The following GNPDA2 variants were observed in gnomAD, a reference collection of about 807,000 sequenced individuals.
The protein encoded by GNPDA2 is glcN6P deaminase 2.
A neutral mutation model predicts 27.0 loss-of-function variants in GNPDA2; 24 were observed. That is an observed-to-expected ratio of 0.89 (90% CI 0.64 to 1.25). GNPDA2 has a LOEUF of 1.25. Among genes scored for constraint, GNPDA2 ranks in the 50% most tolerant of loss-of-function variants. GNPDA2 has a pLI of 0.00. For synonymous variants in GNPDA2, 94 were observed against 108.4 expected (o/e 0.87, Z 0.83); for missense variants, 286 against 335.1 (o/e 0.85, Z 1.14).
At position 44,702,525 on chromosome 4, in the gene GNPDA2, C is replaced by CTG; in HGVS notation, c.*554_*555dup. ...AGGATGTAAACTGTACTTTTAGGCACTGTCATCTCTTCAAATTTCCTTTAC... is the reference window on the plus strand; with the variant it reads ...AGGATGTAAACTGTACTTTTAGGCACTGTGTCATCTCTTCAAATTTCCTTTAC... On this transcript the variant is annotated 3_prime_UTR_variant, in exon 7 of 7. Transcript: ENST00000295448. The CTG allele has an allele frequency of 1.0e-6, 1 of 986,212 alleles. No homozygotes were observed. The highest frequency in any genetic ancestry group is 1.2e-6 in the Non-Finnish European group (1 of 830,196). 61.1% of individuals were successfully genotyped at this position (986,212 alleles called of 1,614,324 possible).
At chr4:44,716,526 A>ACG (rs1387588875) in intron 4 of GNPDA2, among the ~76,000 whole-genome samples, 1 of 151,392 alleles carries the variant, frequency 6.6e-6, no homozygotes, top group Admixed American at 6.6e-5. Flanking sequence ...ATATACACAC[A>ACG]CATATATAAA....
chr4:44,702,773 T>C lies in GNPDA2; in HGVS notation c.*308A>G. Reference sequence around the variant, plus strand: ...GAGTCATATCACAAATGGTGCCTGATGTGGACACTCTACCTTTAAAATGAC... The same window carrying C: ...GAGTCATATCACAAATGGTGCCTGACGTGGACACTCTACCTTTAAAATGAC... On this transcript the variant is annotated 3_prime_UTR_variant, in exon 7 of 7. Transcript: ENST00000295448. 1.7e-6 allele frequency: 2 copies of C among 1,180,088 alleles called. No homozygotes were observed. Among genetic ancestry groups the C allele is most frequent in the Non-Finnish European group, 2.1e-6 (2 of 954,054 alleles). The allele number at this position is 1,180,088 out of a possible 1,614,324, so 73.1% of individuals were successfully genotyped here.
At chr4:44,724,551 T>C (rs988532721) in intron 1 of GNPDA2, among the ~76,000 whole-genome samples, 1 of 144,266 alleles carries the variant, frequency 6.9e-6, no homozygotes, top group African/African-American at 2.5e-5. Flanking sequence ...ATTCCCATAA[T>C]TCTTAGATTT....
Position 44,707,901 on chromosome 4 carries a change from T to G in GNPDA2, c.620A>C (p.His207Pro), listed in dbSNP as rs1252929452. The change falls in exon 6 of 7, where the codon CAC (histidine) becomes CCC (proline). Residue 207 changes from histidine (H) to proline (P), a missense_variant. By Grantham distance (77) the His-to-Pro change is moderately conservative. Coordinates refer to ENST00000295448, the MANE Select transcript of GNPDA2 (RefSeq NM_138335.3). ...REVMILITGAHKAFALYKAIE... is the reference protein window; with the variant it reads ...REVMILITGAPKAFALYKAIE... Reference sequence around the variant, plus strand: ...TGCTTTGTACAGGGCAAATGCCTTGTGTGCCCCTGTTATAAGGATCATTAC... The same window carrying G: ...TGCTTTGTACAGGGCAAATGCCTTGGGTGCCCCTGTTATAAGGATCATTAC... 7 of 1,604,898 alleles carry G rather than the reference T, an allele frequency of 4.4e-6. No homozygotes were observed. The highest frequency in any genetic ancestry group is 6.0e-6 in the Non-Finnish European group (7 of 1,174,778).
In GNPDA2 at chr4:44,708,627, T is replaced by G. The variant is rs77349855; in HGVS notation, c.595-701A>C. ...ATAATGCAATGACATGTTGCAAATG[T>G]GAATGTGTATGTGTCGGAATCTTTT... On this transcript the variant is annotated intron_variant, in intron 5 of 6. Coordinates refer to ENST00000295448, the MANE Select transcript of GNPDA2 (RefSeq NM_138335.3). Among the ~76,000 whole-genome samples the G allele has an allele frequency of 7.2e-5, 11 of 152,234 alleles. No individual in the cohort carries two copies. In the East Asian group the frequency reaches 2.1e-3, roughly 29 times the overall value.
intron 6 of GNPDA2, chr4:44,704,173 A>G: frequency 1.0e-6 from 1 of 985,030 alleles, no homozygotes; most frequent in Non-Finnish European, 1.2e-6. Flanking sequence ...AACCATAAGA[A>G]TGGGACTCTA....
chr4:44,716,130 G>C (rs1240639830), intron 4 of GNPDA2, among the ~76,000 whole-genome samples: 1 of 151,820 alleles, frequency 6.6e-6, no homozygotes, highest in Non-Finnish European at 1.5e-5. Context: ...AACTTTCCCA[G>C]GTCATACAGA....
intron 6 of GNPDA2, chr4:44,705,134 T>C: frequency 1.0e-6 from 1 of 984,962 alleles, no homozygotes; most frequent in Non-Finnish European, 1.2e-6. Flanking sequence ...TCAGCACTTT[T>C]TAGTGATGAC....
chr4:44,703,217 A>G, intron 6 of GNPDA2, 75 bp from the exon 7 acceptor site: 1 of 1,535,604 alleles, frequency 6.5e-7, no homozygotes, highest in Non-Finnish European at 8.7e-7. Flanking sequence ...ACAACAAAGT[A>G]TTTTTTATAA....
chr4:44,706,079 A>T (rs1255292969), intron 6 of GNPDA2: 1 of 151,900 alleles, frequency 6.6e-6, no homozygotes, highest in African/African-American at 2.4e-5. Flanking sequence ...GAATCTCCTT[A>T]AAACTGGAAT....
chr4:44,719,615 T>G (rs935128744), intron 2 of GNPDA2, among the ~76,000 whole-genome samples: 14 of 152,208 alleles, frequency 9.2e-5, no homozygotes, highest in Admixed American at 4.6e-4. Context: ...ATAAATATGC[T>G]TTCCCTCTTC....
Position 44,717,148 on chromosome 4 carries a change from A to C in GNPDA2, c.374T>G (p.Ile125Arg). 6.2e-7 allele frequency: 1 copy of C among 1,608,800 alleles called. No homozygotes were observed. The highest frequency in any genetic ancestry group is 8.5e-7 in the Non-Finnish European group (1 of 1,177,834). ...AAGATCTATTCCTCCAGCTTCTTTT[A>C]TTTTGTTTTCAAAAGCATCACATTC... is the stretch of plus-strand genomic sequence containing the variant. Reference protein sequence around the residue: ...QAECDAFENKIKEAGGIDLFV... With the variant: ...QAECDAFENKRKEAGGIDLFV... Residue 125 changes from isoleucine (I) to arginine (R), a missense_variant, in exon 4 of 7, where the codon ATA (isoleucine) becomes AGA (arginine). Ile to Arg is a moderately conservative substitution (Grantham distance 97, BLOSUM62 -3). Coordinates refer to ENST00000295448, the MANE Select transcript of GNPDA2 (RefSeq NM_138335.3).
chr4:44,709,078 G>C (rs980677574), intron 5 of GNPDA2, among the ~76,000 whole-genome samples: 4 of 152,080 alleles, frequency 2.6e-5, no homozygotes, highest in African/African-American at 9.7e-5. Context: ...TGAGCTAAGA[G>C]TCTTTTCATT....
intron 6 of GNPDA2, chr4:44,704,487 A>C (rs1311214022): frequency 5.2e-6 from 4 of 772,320 alleles, no homozygotes; most frequent in East Asian, 1.3e-4. Flanking sequence ...TCCTTTATAA[A>C]ATTTTTTTCT....
intron 1 of GNPDA2, among the ~76,000 whole-genome samples, chr4:44,723,668 T>C (rs1376297899): frequency 1.3e-5 from 2 of 152,044 alleles, no homozygotes; most frequent in African/African-American, 2.4e-5. Context: ...TTTGCTACTG[T>C]TGTTATTGGA....
intron 6 of GNPDA2, chr4:44,704,148 A>C: frequency 2.0e-6 from 2 of 985,162 alleles, no homozygotes; most frequent in Non-Finnish European, 2.4e-6. Context: ...GTGTTTGTGT[A>C]GTAGGAGAAA....
chr4:44,718,007 G>A (rs921005202), intron 3 of GNPDA2, among the ~76,000 whole-genome samples: 5 of 151,848 alleles, frequency 3.3e-5, no homozygotes, highest in Non-Finnish European at 7.4e-5. Flanking sequence ...AAGAGAATAA[G>A]AAATGTGAGT....
At chr4:44,709,775 C>A (rs375900721) in intron 5 of GNPDA2, among the ~76,000 whole-genome samples, 16 of 146,584 alleles carry the variant, frequency 1.1e-4, no homozygotes, top group African/African-American at 2.8e-4. Context: ...TTAGCCTGGG[C>A]AACACAGTGA....
chr4:44,714,244 G>C (rs1717148969), intron 4 of GNPDA2: 4 of 952,604 alleles, frequency 4.2e-6, no homozygotes, highest in Non-Finnish European at 5.0e-6. Context: ...CAAAGTGCTG[G>C]GATTATAGGT....
Sources: gnomAD v4.1 joint callset for allele counts (sites outside exome capture counted in the v4.1 genomes callset) on GRCh38, gnomAD v4.1.1 for gene constraint, MANE v1.5 for transcripts, NCBI Gene and HGNC (gene_info 2026-07-23, HGNC 2026-07-21) for gene names.